The following SDHA variants were observed in gnomAD, a reference collection of about 807,000 sequenced individuals.
The protein encoded by SDHA is succinate dehydrogenase complex flavoprotein subunit A, also known as succinate dehydrogenase [ubiquinone] flavoprotein subunit, mitochondrial.
Under a neutral mutation model 78.4 loss-of-function variants are expected in SDHA, and 48 were observed. That is an observed-to-expected ratio of 0.61 (90% CI 0.49 to 0.78). SDHA has a LOEUF of 0.78. SDHA is among the 30% of genes least tolerant of loss of function. SDHA has a pLI of 0.00. For synonymous variants in SDHA, 326 were observed against 353.9 expected, an observed-to-expected ratio of 0.92 and a Z score of 0.88; for missense variants, 680 against 892.7, an observed-to-expected ratio of 0.76 and a Z score of 3.04.
At chr5:221,059 C>T (rs1234068850) in intron 1 of SDHA, among the ~76,000 whole-genome samples, 3 of 152,064 alleles carry the variant, frequency 2.0e-5, no homozygotes, top group Admixed American at 1.3e-4. Context: ...GTGATCCGCC[C>T]GCCTCGGTCT....
At chr5:240,284 G>C (rs1382068870) in intron 10 of SDHA, 74 bp from the exon 11 acceptor site, 3 of 900,170 alleles carry the variant, frequency 3.3e-6, no homozygotes, top group South Asian at 1.4e-5. Flanking sequence ...CTACATGTTT[G>C]TGTGTCATTC....
At chr5:221,574 A>G (rs1439743011) in intron 1 of SDHA, among the ~76,000 whole-genome samples, 29 of 152,304 alleles carry the variant, frequency 1.9e-4, no homozygotes, top group East Asian at 1.9e-4. Context: ...TAATTCAGTC[A>G]TCTGAAATTC....
intron 13 of SDHA, among the ~76,000 whole-genome samples, chr5:252,766 C>T (rs1262412711): frequency 7.1e-6 from 1 of 140,224 alleles, no homozygotes; most frequent in Non-Finnish European, 1.5e-5. Context: ...CATACCTGCC[C>T]TGTGGAGGAA....
In SDHA at chr5:230,996, T is replaced by A; in HGVS notation, c.891T>A (p.Pro297=). 1 of 1,613,738 alleles carries A rather than the reference T, an allele frequency of 6.2e-7. No homozygotes were observed. The highest frequency in any genetic ancestry group is 8.5e-7 in the Non-Finnish European group (1 of 1,179,796). ...ACCTAGAGTTTGTTCAGTTCCACCC[T>A]ACAGGTAGGGCAGGACGCCTTGCCC... ...CQDLEFVQFH[P]TGIYGAGCLI... Residue 297 remains proline, a synonymous_variant, in exon 7 of 15, where the codon CCT becomes CCA. Coordinates refer to ENST00000264932, the MANE Select transcript of SDHA (RefSeq NM_004168.4).
chr5:262,846 A>C, the SDHA span, among the ~76,000 whole-genome samples: 1 of 152,232 alleles, frequency 6.6e-6, no homozygotes. Flanking sequence ...GGTAAAAGCC[A>C]CGATTACTTT....
rs747939816 is a variant in SDHA, at chr5:256,332, A to G, written c.1909-2A>G. 3 of 1,611,902 alleles carry G rather than the reference A, an allele frequency of 1.9e-6. No individual in the cohort carries two copies. Among genetic ancestry groups the G allele is most frequent in the Non-Finnish European group, 1.7e-6 (2 of 1,178,158 alleles). Reference sequence around the variant, plus strand: ...AACTTACCACTGACTCTTCTTTTCAAGGTCACTCTGGAATATAGACCCGTG... The same window carrying G: ...AACTTACCACTGACTCTTCTTTTCAGGGTCACTCTGGAATATAGACCCGTG... On this transcript the variant is annotated splice_acceptor_variant, in intron 14 of 14. Transcript: ENST00000264932. LOFTEE classifies it high-confidence loss of function.
At position 236,533 on chromosome 5, in the gene SDHA, T is replaced by G; in HGVS notation, c.1366T>G (p.Ser456Ala). 4 of 1,614,058 alleles carry G rather than the reference T, an allele frequency of 2.5e-6. No homozygotes were observed. The highest frequency in any genetic ancestry group is 1.7e-6 in the Non-Finnish European group (2 of 1,179,888). ...TGGTGCCAACCGCCTCGGGGCAAAC[T>G]CGCTCTTGGACCTGGTTGTCTTTGG... ...VHGANRLGAN[S>A]LLDLVVFGRA... Residue 456 changes from serine to alanine, a missense_variant, in exon 10 of 15, where the codon TCG (serine) becomes GCG (alanine). By Grantham distance (99) the Ser-to-Ala change is moderately conservative (BLOSUM62 1). Transcript: ENST00000264932.
chr5:250,132 G>A (rs1244583161), intron 11 of SDHA: 2 of 152,310 alleles, frequency 1.3e-5, no homozygotes, highest in Non-Finnish European at 1.5e-5. Context: ...TTTTTCATTT[G>A]TTCTTCCTGA....
At chr5:252,128 C>T (rs1352337166) in intron 13 of SDHA, among the ~76,000 whole-genome samples, 1 of 138,936 alleles carries the variant, frequency 7.2e-6, no homozygotes, top group Non-Finnish European at 1.6e-5. Flanking sequence ...AGTTTATTAA[C>T]GAGTAAGTCA....
chr5:250,484 C>G (rs892777129), intron 11 of SDHA: 1 of 230,190 alleles, frequency 4.3e-6, no homozygotes. Flanking sequence ...GCCAGATGGG[C>G]CAAGGGCCCC....
At chr5:263,349 T>C in the SDHA span, among the ~76,000 whole-genome samples, 1 of 152,224 alleles carries the variant, frequency 6.6e-6, no homozygotes, top group African/African-American at 2.4e-5. Context: ...AGGAAACAGT[T>C]GTGCTCATGT....
At chr5:257,458 G>A (rs1315937853), downstream of SDHA, among the ~76,000 whole-genome samples, 1 of 147,512 alleles carries the variant, frequency 6.8e-6, no homozygotes, top group Non-Finnish European at 1.5e-5. Flanking sequence ...TCCGCCTGCT[G>A]CCAGAGCATT....
intron 8 of SDHA, chr5:234,721 T>C (rs541583607): frequency 3.6e-6 from 1 of 278,718 alleles, no homozygotes; most frequent in African/African-American, 2.2e-5. Flanking sequence ...AGGATGTGCA[T>C]AGGTTATATG....
At position 237,828 on chromosome 5, in the gene SDHA, C is replaced by CT. The variant is rs555398407; in HGVS notation, c.1432+1230dup. On this transcript the variant is annotated intron_variant, in intron 10 of 14. Transcript: ENST00000264932. ...AAAAGGGTAGCTTACTTCAGACACT[C>CT]TGTCTCTGGATCTGACCACCGCTCG... Among the ~76,000 whole-genome samples, 29 of 137,520 alleles carry CT rather than the reference C, an allele frequency of 2.1e-4. No individual in the cohort carries two copies. In the East Asian group the frequency reaches 5.2e-3, roughly 25 times the overall value. The allele number at this position is 137,520 out of a possible 152,430, so 90.2% of individuals were successfully genotyped here. A position where few individuals can be genotyped will look rare whatever the true frequency, so the allele number is the denominator to read the frequency against.
chr5:224,146 A>G (rs903421989), intron 2 of SDHA, among the ~76,000 whole-genome samples: 3 of 152,170 alleles, frequency 2.0e-5, no homozygotes, highest in Non-Finnish European at 4.4e-5. Flanking sequence ...TAGACCCTCT[A>G]CCATTCGTAG....
intron 10 of SDHA, among the ~76,000 whole-genome samples, chr5:238,993 G>C (rs1342807772): frequency 1.3e-5 from 2 of 151,536 alleles, no homozygotes; most frequent in African/African-American, 4.9e-5. Flanking sequence ...TTGTAGAACT[G>C]TCCACCTAAA....
chr5:243,072 A>C (rs985323835), intron 11 of SDHA, among the ~76,000 whole-genome samples: 3 of 152,194 alleles, frequency 2.0e-5, no homozygotes, highest in Non-Finnish European at 2.9e-5. Flanking sequence ...TCCGAGCAGC[A>C]CCTTGAGCGA....
At position 218,330 on chromosome 5, in the gene SDHA, G is replaced by T. The variant is rs755740263; in HGVS notation, c.-26G>T. The T allele has an allele frequency of 2.1e-6, 3 of 1,444,328 alleles. No individual in the cohort carries two copies. The highest frequency in any genetic ancestry group is 1.8e-6 in the Non-Finnish European group (2 of 1,107,022). The allele number at this position is 1,444,328 out of a possible 1,614,324, so 89.5% of individuals were successfully genotyped here. A position where few individuals can be genotyped will look rare whatever the true frequency, so the allele number is the denominator to read the frequency against. On this transcript the variant is annotated 5_prime_UTR_variant, in exon 1 of 15. Coordinates refer to ENST00000264932, the MANE Select transcript of SDHA (RefSeq NM_004168.4). ...AGGCGCAGTCTGCGCAGGGACTGGC[G>T]GGACTGCGCGGCGGCAACAGCAGAC...
chr5:223,601 AT>A (rs2126540107), intron 2 of SDHA, 33 bp downstream of exon 2: 7 of 1,557,406 alleles, frequency 4.5e-6, no homozygotes, highest in Non-Finnish European at 6.2e-6. Flanking sequence ...ATTATAAATG[AT>A]TTTTTTGGCT....
Sources: allele counts gnomAD v4.1 joint callset (sites outside exome capture counted in the v4.1 genomes callset), GRCh38; gene constraint gnomAD v4.1.1; transcripts MANE v1.5; gene names NCBI Gene and HGNC (gene_info 2026-07-23, HGNC 2026-07-21).